The following SAMD3 variants were observed in gnomAD, a reference collection of about 807,000 sequenced individuals.
The protein encoded by SAMD3 is sterile alpha motif domain containing 3.
Under a neutral mutation model 58.5 loss-of-function variants are expected in SAMD3, and 63 were observed. That is an observed-to-expected ratio of 1.08 (90% CI 0.88 to 1.33). The LOEUF (loss-of-function observed/expected upper bound fraction) is 1.33, where lower values mean the gene tolerates loss of function less well. Ranked by LOEUF, SAMD3 falls within the 40% of genes most tolerant of loss-of-function variation. The pLI, the probability that SAMD3 is intolerant of heterozygous loss-of-function variation, is 0.00. For synonymous variants in SAMD3, 220 were observed against 210.3 expected, an observed-to-expected ratio of 1.05 and a Z score of -0.40; for missense variants, 604 against 608.4, an observed-to-expected ratio of 0.99 and a Z score of 0.08.
At position 130,199,808 on chromosome 6, in the gene SAMD3, A is replaced by C. The variant is rs183050193; in HGVS notation, c.383+9687T>G. Among the ~76,000 whole-genome samples, 537 of 152,272 alleles carry C rather than the reference A, an allele frequency of 3.5e-3. 7 individuals are homozygous for C. Among genetic ancestry groups the C allele is most frequent in the African/African-American group, 0.012 (514 of 41,550 alleles). ...CTGATGGTACCCACCGTGAATTCTG[A>C]AAAATGTTTGAGCCACATTCCTATA... On this transcript the variant is annotated intron_variant, in intron 5 of 11. Coordinates refer to ENST00000439090, the MANE Select transcript of SAMD3 (RefSeq NM_001017373.4).
chr6:130,189,103 C>CAA lies in SAMD3; in HGVS notation c.384-4482_384-4481dup, dbSNP rs71028200. ...AATAATTCACAATCTTTAAAAAAAC[C>CAA]AAAAAAAAAAAAAAACCAAAAAACA... On this transcript the variant is annotated intron_variant, in intron 5 of 11. Coordinates refer to ENST00000439090, the MANE Select transcript of SAMD3 (RefSeq NM_001017373.4). Among the ~76,000 whole-genome samples the CAA allele has an allele frequency of 8.1e-3, 1,119 of 138,438 alleles. 4 individuals carry two copies. The highest frequency in any genetic ancestry group is 0.017 in the African/African-American group (633 of 37,782). The allele number at this position is 138,438 out of a possible 152,430, so 90.8% of individuals were successfully genotyped here.
intron 1 of SAMD3, among the ~76,000 whole-genome samples, chr6:130,346,203 G>A (rs2115029335): frequency 6.6e-6 from 1 of 152,334 alleles, no homozygotes; most frequent in East Asian, 1.9e-4. Context: ...TCATCTCACT[G>A]GGGAGTGTCA....
chr6:130,274,615 AG>A, intron 2 of SAMD3, among the ~76,000 whole-genome samples: 1 of 149,726 alleles, frequency 6.7e-6, no homozygotes, highest in Non-Finnish European at 1.5e-5. Flanking sequence ...GGCTTGGAGG[AG>A]GGGCTGACAC....
At chr6:130,262,389 G>C (rs1774172293) in intron 2 of SAMD3, among the ~76,000 whole-genome samples, 1 of 151,008 alleles carries the variant, frequency 6.6e-6, no homozygotes, top group African/African-American at 2.4e-5. Flanking sequence ...AATCAAAAAG[G>C]CAAAAAAGTA....
At chr6:130,243,817 C>A (rs114997078) in intron 2 of SAMD3, among the ~76,000 whole-genome samples, 264 of 152,264 alleles carry the variant, frequency 1.7e-3, no homozygotes, top group African/African-American at 6.1e-3. Context: ...AAGTGCACAA[C>A]CATATGCACA....
upstream of SAMD3, among the ~76,000 whole-genome samples, chr6:130,226,454 G>A (rs113176882): frequency 0.012 from 1,901 of 152,260 alleles, 29 homozygotes; most frequent in African/African-American, 0.043. Context: ...AGCCCTATAG[G>A]TCAAAGTTAG....
At chr6:130,357,948 C>T (rs1331560990) in intron 1 of SAMD3, among the ~76,000 whole-genome samples, 2 of 152,154 alleles carry the variant, frequency 1.3e-5, no homozygotes, top group African/African-American at 4.8e-5. Context: ...TTGGCAAGTA[C>T]TTGAGAAATG....
chr6:130,174,063 G>T (rs1413039834), intron 8 of SAMD3, among the ~76,000 whole-genome samples: 1 of 152,204 alleles, frequency 6.6e-6, no homozygotes. Flanking sequence ...ACTTCAGACT[G>T]CTGTGCTGGC....
intron 5 of SAMD3, among the ~76,000 whole-genome samples, chr6:130,191,089 T>C (rs896942152): frequency 5.9e-5 from 9 of 151,728 alleles, no homozygotes; most frequent in Admixed American, 2.0e-4. Context: ...GATTTCACAT[T>C]TTCCAACTGT....
At chr6:130,322,211 G>A (rs6910182) in intron 1 of SAMD3, among the ~76,000 whole-genome samples, 67,885 of 151,974 alleles carry the variant, frequency 0.45, 17,530 homozygotes, top group African/African-American at 0.72. Context: ...AGGGACAGAG[G>A]CGGAATCTGG....
upstream of SAMD3, among the ~76,000 whole-genome samples, chr6:130,225,807 A>G (rs1796369437): frequency 6.6e-6 from 1 of 152,194 alleles, no homozygotes; most frequent in African/African-American, 2.4e-5. Context: ...GCCAAAAACT[A>G]ACTTGTCATT....
Position 130,144,569 on chromosome 6 carries a change from G to T in SAMD3, c.1514C>A (p.Ser505Tyr). 6.2e-7 allele frequency: 1 copy of T among 1,613,978 alleles called. No individual in the cohort carries two copies. The highest frequency in any genetic ancestry group is 8.5e-7 in the Non-Finnish European group (1 of 1,179,932). Reference sequence around the variant, plus strand: ...TACTTCGTTTTCCTTTTCTTTCAAAGAAGGAAAATAAGGACTGTGCATATC... The same window carrying T: ...TACTTCGTTTTCCTTTTCTTTCAAATAAGGAAAATAAGGACTGTGCATATC... ...IFDMHSPYFPSLKEKENEVGF... is the reference protein window; with the variant it reads ...IFDMHSPYFPYLKEKENEVGF... The change falls in exon 12 of 12, where the codon TCT becomes TAT. Residue 505 changes from serine (S) to tyrosine (Y), a missense_variant. By Grantham distance (144) the Ser-to-Tyr change is moderately radical. Transcript: ENST00000439090.
At chr6:130,301,066 G>A (rs745791424) in intron 2 of SAMD3, among the ~76,000 whole-genome samples, 3 of 152,034 alleles carry the variant, frequency 2.0e-5, no homozygotes, top group African/African-American at 4.8e-5. Context: ...GAGAACATGC[G>A]GCGTTTGGTT....
upstream of SAMD3, among the ~76,000 whole-genome samples, chr6:130,224,592 TTTATTATTATTATTATTATTA>T (rs147379974): frequency 4.9e-5 from 7 of 143,878 alleles, no homozygotes; most frequent in Non-Finnish European, 1.1e-4. Flanking sequence ...ACTCTATTTA[TTTATTATTATTATTATTATTA>T]TTATTATTAT....
chr6:130,224,413 T>G (rs1796327484), upstream of SAMD3, among the ~76,000 whole-genome samples: 1 of 151,386 alleles, frequency 6.6e-6, no homozygotes, highest in Non-Finnish European at 1.5e-5. Flanking sequence ...TACCCAGCAC[T>G]TCCCTGCCCG....
At chr6:130,315,417 C>T (rs74578274) in intron 1 of SAMD3, among the ~76,000 whole-genome samples, 143 of 152,160 alleles carry the variant, frequency 9.4e-4, no homozygotes, top group African/African-American at 3.2e-3. Context: ...GTTATGTGAC[C>T]TTACATAAAG....
chr6:130,238,085 A>G (rs1179252613), intron 2 of SAMD3, among the ~76,000 whole-genome samples: 3 of 152,226 alleles, frequency 2.0e-5, no homozygotes, highest in Admixed American at 6.5e-5. Flanking sequence ...CTCAATCATC[A>G]TATTTTTAGT....
intron 5 of SAMD3, among the ~76,000 whole-genome samples, chr6:130,202,712 T>C (rs560502700): frequency 6.6e-6 from 1 of 152,356 alleles, no homozygotes; most frequent in South Asian, 2.1e-4. Context: ...CATTACTGTA[T>C]GCTGGAAATC....
chr6:130,213,227 A>T (rs961769331), intron 4 of SAMD3, among the ~76,000 whole-genome samples: 3 of 151,996 alleles, frequency 2.0e-5, no homozygotes, highest in African/African-American at 4.8e-5. Context: ...GAGCCCAGGA[A>T]TTCGAAGCTG....
Sources: gnomAD v4.1 joint callset for allele counts (sites outside exome capture counted in the v4.1 genomes callset) on GRCh38, gnomAD v4.1.1 for gene constraint, MANE v1.5 for transcripts, NCBI Gene and HGNC (gene_info 2026-07-23, HGNC 2026-07-21) for gene names.